BLNK: variants seen among roughly 807,000 people sequenced by gnomAD.
BLNK encodes B cell linker.
Under a neutral mutation model 73.5 loss-of-function variants are expected in BLNK, and 29 were observed. The ratio of observed to expected loss-of-function variants is 0.39; its 90% CI spans 0.29 to 0.54. The LOEUF is 0.54. BLNK is among the 20% of genes least tolerant of loss of function. The pLI, the probability that BLNK is intolerant of heterozygous loss-of-function variation, is 0.61. For missense variants in BLNK, 460 were observed against 562.8 expected, an observed-to-expected ratio of 0.82 and a Z score of 1.85; for synonymous variants, 176 against 200.8, an observed-to-expected ratio of 0.88 and a Z score of 1.04.
At chr10:96,199,817 A>C in intron 15 of BLNK, 1 of 244,736 alleles carries the variant, frequency 4.1e-6, no homozygotes, top group South Asian at 5.8e-5. Flanking sequence ...TGAGGTCAGG[A>C]GTTCGAGAGC....
intron 4 of BLNK, 89 bp from the exon 5 acceptor site, chr10:96,227,655 A>G: frequency 6.3e-7 from 1 of 1,588,498 alleles, no homozygotes; most frequent in South Asian, 1.1e-5. Flanking sequence ...AGGCCAGAGC[A>G]GTGACAGGAG....
intron 1 of BLNK, among the ~76,000 whole-genome samples, chr10:96,259,564 GT>G (rs1554912121): frequency 6.7e-6 from 1 of 150,046 alleles, no homozygotes; most frequent in Non-Finnish European, 1.5e-5. Flanking sequence ...TGGAGGGGCT[GT>G]GTTCCCTTAC....
At chr10:96,254,974 G>A (rs1486343270) in intron 1 of BLNK, among the ~76,000 whole-genome samples, 1 of 152,168 alleles carries the variant, frequency 6.6e-6, no homozygotes, top group Admixed American at 6.5e-5. Context: ...CCCAGGCCTT[G>A]CCCCCGACCA....
At chr10:96,222,673 C>G (rs1465846836) in intron 6 of BLNK, among the ~76,000 whole-genome samples, 1 of 152,034 alleles carries the variant, frequency 6.6e-6, no homozygotes, top group Non-Finnish European at 1.5e-5. Flanking sequence ...CAAGAGCTGT[C>G]AAAGGGAAGT....
At chr10:96,264,014 C>G (rs192133465) in intron 1 of BLNK, among the ~76,000 whole-genome samples, 38 of 152,272 alleles carry the variant, frequency 2.5e-4, no homozygotes, top group Middle Eastern at 6.8e-3. Flanking sequence ...TCCACCCCAT[C>G]AGCAGGTGAG....
rs10706950 is a variant in BLNK at position 96,218,679 on chromosome 10, CAA to C, written c.526-1947_526-1946del. On this transcript the variant is annotated intron_variant, in intron 6 of 16. Transcript: ENST00000224337. ...TGGCAACAGAATGAGACCTTGTCTC[CAA>C]AAAAAAAAAAAAAAAGTGGTAGATC... 8.5e-3 allele frequency among the ~76,000 whole-genome samples: 1,060 copies of C among 124,186 alleles called. 7 individuals are homozygous for C. Among genetic ancestry groups the C allele is most frequent in the Non-Finnish European group, 0.012 (692 of 56,818 alleles). 81.5% of individuals were successfully genotyped at this position (124,186 alleles called of 152,430 possible).
chr10:96,223,783 C>A, intron 6 of BLNK, 43 bp downstream of exon 6: 3 of 1,610,394 alleles, frequency 1.9e-6, no homozygotes, highest in African/African-American at 2.7e-5. Context: ...TTGCCCCACC[C>A]CCCTCTGTGT....
At chr10:96,219,298 C>T (rs1314423633) in intron 6 of BLNK, among the ~76,000 whole-genome samples, 2 of 152,202 alleles carry the variant, frequency 1.3e-5, no homozygotes, top group African/African-American at 2.4e-5. Flanking sequence ...TGAGTGGCTG[C>T]GGATCCCTGC....
chr10:96,230,272 G>A (rs61856986), intron 4 of BLNK, among the ~76,000 whole-genome samples: 10,297 of 152,160 alleles, frequency 0.068, 451 homozygotes, highest in East Asian at 0.12. Context: ...GCACCTTGGT[G>A]GCAAAGAGCC....
chr10:96,220,087 A>G (rs2084159478), intron 6 of BLNK, among the ~76,000 whole-genome samples: 1 of 152,184 alleles, frequency 6.6e-6, no homozygotes, highest in African/African-American at 2.4e-5. Context: ...CTCCTGATCA[A>G]ACCAATCTGT....
intron 1 of BLNK, among the ~76,000 whole-genome samples, chr10:96,265,798 A>T (rs1054831141): frequency 6.6e-6 from 1 of 152,250 alleles, no homozygotes; most frequent in African/African-American, 2.4e-5. Flanking sequence ...GTTTCTCAAC[A>T]GTGGCAATAG....
At chr10:96,228,735 T>TGTATATAC (rs1842377819) in intron 4 of BLNK, among the ~76,000 whole-genome samples, 1 of 152,252 alleles carries the variant, frequency 6.6e-6, no homozygotes, top group Non-Finnish European at 1.5e-5. Flanking sequence ...AGGTAGTTTA[T>TGTATATAC]GTATATACCG....
intron 9 of BLNK, among the ~76,000 whole-genome samples, chr10:96,209,314 A>G (rs1250189669): frequency 6.6e-6 from 1 of 152,260 alleles, no homozygotes; most frequent in African/African-American, 2.4e-5. Context: ...CTTGTGGAAC[A>G]CTGTAAGTTA....
chr10:96,204,922 A>T, intron 11 of BLNK: 1 of 367,040 alleles, frequency 2.7e-6, no homozygotes, highest in Admixed American at 3.9e-5. Flanking sequence ...TATAGGTGGA[A>T]GCCAGAAGAT....
At chr10:96,203,335 T>G (rs1417764848) in intron 13 of BLNK, among the ~76,000 whole-genome samples, 1 of 152,220 alleles carries the variant, frequency 6.6e-6, no homozygotes, top group African/African-American at 2.4e-5. Flanking sequence ...AGATGAATAT[T>G]ATTAAAAATT....
chr10:96,226,032 T>A (rs1186936529), intron 5 of BLNK, among the ~76,000 whole-genome samples: 8 of 152,134 alleles, frequency 5.3e-5, no homozygotes, highest in African/African-American at 1.9e-4. Context: ...TTGAAAAAGA[T>A]CATTCACCAA....
chr10:96,234,464 A>G (rs1323990560), intron 3 of BLNK, among the ~76,000 whole-genome samples: 1 of 152,232 alleles, frequency 6.6e-6, no homozygotes, highest in Non-Finnish European at 1.5e-5. Flanking sequence ...CCCAAAGTGC[A>G]CAGGTGGTAG....
intron 3 of BLNK, among the ~76,000 whole-genome samples, chr10:96,235,703 C>T (rs587652604): frequency 2.0e-5 from 3 of 152,104 alleles, no homozygotes; most frequent in South Asian, 4.2e-4. Flanking sequence ...GAGGTGGGGC[C>T]GAATGGGGCC....
At chr10:96,243,486 G>GGCTCA (rs1842940415) in intron 2 of BLNK, among the ~76,000 whole-genome samples, 1 of 152,178 alleles carries the variant, frequency 6.6e-6, no homozygotes, top group Non-Finnish European at 1.5e-5. Flanking sequence ...GGTCAAAGCT[G>GGCTCA]CAGTGAGCCA....
Sources: gnomAD v4.1 joint callset for allele counts (sites outside exome capture counted in the v4.1 genomes callset) on GRCh38, gnomAD v4.1.1 for gene constraint, MANE v1.5 for transcripts, NCBI Gene and HGNC (gene_info 2026-07-23, HGNC 2026-07-21) for gene names.